CADM2: variants seen among roughly 807,000 people sequenced by gnomAD.
CADM2 encodes the protein cell adhesion molecule 2.
A neutral mutation model predicts 49.8 loss-of-function variants in CADM2; 12 were observed. The ratio of observed to expected loss-of-function variants is 0.24; its 90% CI spans 0.15 to 0.39. The LOEUF is 0.39. Ranked by LOEUF, CADM2 falls within the 10% of genes least tolerant of loss-of-function variation. The pLI is 1.00. For synonymous variants in CADM2, 214 were observed against 175.4 expected (o/e 1.22, Z -1.74); for missense variants, 378 against 492.3 (o/e 0.77, Z 2.20).
intron 1 of CADM2, among the ~76,000 whole-genome samples, chr3:85,016,512 G>A (rs932444067): frequency 4.6e-5 from 7 of 152,146 alleles, no homozygotes; most frequent in Admixed American, 2.0e-4. Context: ...AAAACTTGGT[G>A]CTGGGTGTGG....
intron 3 of CADM2, among the ~76,000 whole-genome samples, chr3:85,827,333 G>A (rs2073964518): frequency 6.6e-6 from 1 of 151,876 alleles, no homozygotes; most frequent in African/African-American, 2.4e-5. Context: ...AATTATAATA[G>A]CTGTCAAAAT....
chr3:86,056,675 A>G (rs905209459), intron 8 of CADM2, among the ~76,000 whole-genome samples: 11 of 152,208 alleles, frequency 7.2e-5, no homozygotes, highest in Admixed American at 2.0e-4. Context: ...TGATAATCAC[A>G]TTGCACTTAC....
intron 8 of CADM2, chr3:86,014,353 A>C: frequency 1.4e-6 from 2 of 1,415,640 alleles, no homozygotes; most frequent in South Asian, 3.2e-5. Context: ...CAAACCTCTG[A>C]TGTCTTATTT....
intron 1 of CADM2, among the ~76,000 whole-genome samples, chr3:85,630,925 A>T (rs146251833): frequency 9.2e-4 from 140 of 152,194 alleles, no homozygotes; most frequent in Admixed American, 2.2e-3. Flanking sequence ...ATTAGAAAAA[A>T]AAAAGAAAGA....
intron 1 of CADM2, among the ~76,000 whole-genome samples, chr3:85,513,449 T>G (rs2060820305): frequency 6.6e-6 from 1 of 151,970 alleles, no homozygotes; most frequent in Admixed American, 6.6e-5. Flanking sequence ...GATTATACAT[T>G]ATGCCACATC....
At chr3:85,950,051 C>T (rs986304068) in intron 7 of CADM2, among the ~76,000 whole-genome samples, 8 of 150,814 alleles carry the variant, frequency 5.3e-5, no homozygotes, top group East Asian at 2.0e-4. Context: ...TATGAAAACA[C>T]GAAAATATTG....
At chr3:85,641,640 G>C (rs1181313676) in intron 1 of CADM2, among the ~76,000 whole-genome samples, 1 of 151,968 alleles carries the variant, frequency 6.6e-6, no homozygotes, top group Non-Finnish European at 1.5e-5. Flanking sequence ...ATGTAGGCAT[G>C]AATGGGCCGG....
Position 86,068,899 on chromosome 3 carries a change from G to C in CADM2, c.*2116G>C, listed in dbSNP as rs906554316. On this transcript the variant is annotated 3_prime_UTR_variant, in exon 10 of 10. Transcript: ENST00000383699. ...ATATGTTAATATAGTATGGTAGTTTGAGAGAATCAGGTAGGTGCTACTAGA... is the reference window on the plus strand; with the variant it reads ...ATATGTTAATATAGTATGGTAGTTTCAGAGAATCAGGTAGGTGCTACTAGA... The C allele has an allele frequency of 6.6e-6, 1 of 152,326 alleles. No homozygotes were observed. Among genetic ancestry groups the C allele is most frequent in the Admixed American group, 6.6e-5 (1 of 15,262 alleles). The allele number at this position is 152,326 out of a possible 1,614,324, so 9.4% of individuals were successfully genotyped here.
At chr3:85,231,862 G>A (rs145956976) in intron 1 of CADM2, among the ~76,000 whole-genome samples, 356 of 151,364 alleles carry the variant, frequency 2.4e-3, no homozygotes, top group African/African-American at 7.9e-3. Context: ...ACAGGTGCCC[G>A]CACCACACCC....
At chr3:85,822,768 A>C (rs1002767194) in intron 3 of CADM2, among the ~76,000 whole-genome samples, 1 of 152,136 alleles carries the variant, frequency 6.6e-6, no homozygotes, top group Non-Finnish European at 1.5e-5. Flanking sequence ...TCATATGTGG[A>C]TCTTATGTGA....
chr3:85,044,592 T>A (rs550302248), intron 1 of CADM2, among the ~76,000 whole-genome samples: 14 of 152,296 alleles, frequency 9.2e-5, no homozygotes, highest in African/African-American at 3.1e-4. Context: ...CTTCTTATAC[T>A]TTCTGCCAAG....
intron 7 of CADM2, among the ~76,000 whole-genome samples, chr3:85,937,692 A>G (rs1721346064): frequency 6.6e-6 from 1 of 151,980 alleles, no homozygotes; most frequent in South Asian, 2.1e-4. Context: ...GGCTAGTCTC[A>G]TGATATGTTT....
chr3:84,972,439 G>A (rs2031518086), intron 1 of CADM2, among the ~76,000 whole-genome samples: 1 of 152,114 alleles, frequency 6.6e-6, no homozygotes, highest in Admixed American at 6.6e-5. Context: ...ATGTGCCTCT[G>A]TAAATTTCAG....
intron 1 of CADM2, among the ~76,000 whole-genome samples, chr3:85,156,037 G>A (rs1034649743): frequency 1.3e-5 from 2 of 152,014 alleles, no homozygotes; most frequent in Admixed American, 6.6e-5. Flanking sequence ...GGCCAAAATT[G>A]ACACCCTAAC....
chr3:85,470,423 T>A (rs734298), intron 1 of CADM2, among the ~76,000 whole-genome samples: 132,846 of 152,068 alleles, frequency 0.87, 58,173 homozygotes, highest in East Asian at 0.95. Context: ...GATCTTTGTG[T>A]TTTAGTAGAA....
rs117697678 is a variant in CADM2 at position 85,343,408 on chromosome 3, C to T, written c.62-383114C>T. Among the ~76,000 whole-genome samples, 10 of 152,278 alleles carry T rather than the reference C, an allele frequency of 6.6e-5. No homozygotes were observed. In the East Asian group the frequency reaches 1.7e-3, roughly 26 times the overall value. ...AAATATCTCTCGCTTAACTCCCATT[C>T]TAGAGTCTCTTTGTACTTTCTAGGA... On this transcript the variant is annotated intron_variant, in intron 1 of 9. Transcript: ENST00000383699.
intron 3 of CADM2, among the ~76,000 whole-genome samples, chr3:85,807,499 CAAAAAAAAA>C (rs60644652): frequency 1.2e-5 from 1 of 82,244 alleles, no homozygotes; most frequent in African/African-American, 3.7e-5. Context: ...AACTCCGTCT[CAAAAAAAAA>C]AAAAAAAAAA....
chr3:86,055,481 G>GTTTTTTTT (rs1440467932), intron 8 of CADM2, among the ~76,000 whole-genome samples: 12 of 121,064 alleles, frequency 9.9e-5, no homozygotes, highest in South Asian at 2.8e-4. Flanking sequence ...TTTTTTTTTG[G>GTTTTTTTT]TTTTAGAGGG....
intron 1 of CADM2, among the ~76,000 whole-genome samples, chr3:85,468,658 T>G (rs2038629923): frequency 6.6e-6 from 1 of 152,186 alleles, no homozygotes; most frequent in African/African-American, 2.4e-5. Flanking sequence ...TAAATTTGGT[T>G]TCATTATACA....
Sources: gnomAD v4.1 joint callset for allele counts (sites outside exome capture counted in the v4.1 genomes callset) on GRCh38, gnomAD v4.1.1 for gene constraint, MANE v1.5 for transcripts, NCBI Gene and HGNC (gene_info 2026-07-23, HGNC 2026-07-21) for gene names.